Variants in TTN observed in about 807,000 individuals in gnomAD.
TTN encodes titin.
TTN carries 1,525 observed loss-of-function variants against 3,223.0 expected under a neutral mutation model. That is an observed-to-expected ratio of 0.47 (90% CI 0.45 to 0.49). The LOEUF (loss-of-function observed/expected upper bound fraction) is 0.49. TTN is among the 20% of genes least tolerant of loss of function. The pLI is 0.00. For missense variants in TTN, 40,786 were observed against 43,424.0 expected (o/e 0.94, Z 5.40); for synonymous variants, 14,094 against 15,161.0 (o/e 0.93, Z 5.17).
chr2:178,791,990 G>T (rs2093529761), intron 10 of TTN, 82 bp downstream of exon 10: 1 of 1,464,652 alleles, frequency 6.8e-7, no homozygotes. Context: ...TCCATTTAAG[G>T]GTTTTGACTA....
In TTN at chr2:178,564,137, G is replaced by C. The variant is rs1485146094; in HGVS notation, c.81995C>G (p.Thr27332Arg). 1.9e-6 allele frequency: 3 copies of C among 1,613,606 alleles called. No homozygotes were observed. Among genetic ancestry groups the C allele is most frequent in the Non-Finnish European group, 2.5e-6 (3 of 1,179,738 alleles). Residue 27332 changes from threonine (T) to arginine (R), a missense_variant, in exon 326 of 363, where the codon ACA (threonine) becomes AGA (arginine). Physicochemically the swap from Thr to Arg is moderately conservative, Grantham distance 71. Coordinates refer to ENST00000589042, the MANE Select transcript of TTN (RefSeq NM_001267550.2). ...RMEIKSTIQK[T>R]TLVVKDCIRT... is the part of the protein sequence containing the mutation. ...TATACAGTCTTTGACAACAAGAGTTGTTTTCTGAATAGTAGATTTAATTTC... is the reference window on the plus strand; with the variant it reads ...TATACAGTCTTTGACAACAAGAGTTCTTTTCTGAATAGTAGATTTAATTTC...
Position 178,601,278 on chromosome 2 carries a change from G to A in TTN, c.55719C>T (p.Ala18573=). 5 of 1,553,272 alleles carry A rather than the reference G, an allele frequency of 3.2e-6. No homozygotes were observed. The highest frequency in any genetic ancestry group is 3.5e-6 in the Non-Finnish European group (4 of 1,153,576). Residue 18573 remains alanine (A), a synonymous_variant, in exon 287 of 363, where the codon GCC becomes GCT. Transcript: ENST00000589042. The part of the protein sequence containing the change: ...PPVETIQRTT[A]RDPIYPPDPP... ...TTTAAAGCTTACATATCGGATCTCTGGCAGTGGTCCTCTGAATGGTTTCCA... is the reference window on the plus strand; with the variant it reads ...TTTAAAGCTTACATATCGGATCTCTAGCAGTGGTCCTCTGAATGGTTTCCA...
At position 178,776,971 on chromosome 2, in the gene TTN, A is replaced by T. The variant is rs761409910; in HGVS notation, c.4893T>A (p.Thr1631=). 6.2e-7 allele frequency: 1 copy of T among 1,614,056 alleles called. No homozygotes were observed. The highest frequency in any genetic ancestry group is 1.1e-5 in the South Asian group (1 of 91,072). The change falls in exon 28 of 363, where the codon ACT becomes ACA. Residue 1631 remains threonine, a synonymous_variant. Coordinates refer to ENST00000589042, the MANE Select transcript of TTN (RefSeq NM_001267550.2). The part of the protein sequence containing the change: ...VSQDSAWYTA[T]AINKAGRDTT... The stretch of plus-strand genomic sequence containing the variant: ...TGTCTCTGCCAGCTTTATTAATAGC[A>T]GTCGCAGTATACCAGGCAGAATCTT...
chr2:178,622,561 G>T, intron 243 of TTN, 109 bp downstream of exon 243: 1 of 767,498 alleles, frequency 1.3e-6, no homozygotes, highest in Non-Finnish European at 2.1e-6. Context: ...TAAAAGTAAA[G>T]TGGTGACCAG....
chr2:178,573,128 G>A lies in TTN; in HGVS notation c.73004C>T (p.Thr24335Ile), dbSNP rs766442878. ...AGCGATTGAAATGGATGATCTGCTTGTATCCAGAACACGTGGGTTACCTGG... is the reference window on the plus strand; with the variant it reads ...AGCGATTGAAATGGATGATCTGCTTATATCCAGAACACGTGGGTTACCTGG... Reference protein sequence around the residue: ...GPPGNPRVLDTSRSSISIAWN... With the variant: ...GPPGNPRVLDISRSSISIAWN... The change falls in exon 326 of 363, where the codon ACA becomes ATA. Residue 24335 changes from threonine (T) to isoleucine (I), a missense_variant. By Grantham distance (89) the Thr-to-Ile change is moderately conservative. Transcript: ENST00000589042. 2 of 1,613,304 alleles carry A rather than the reference G, an allele frequency of 1.2e-6. No individual in the cohort carries two copies. Among genetic ancestry groups the A allele is most frequent in the Non-Finnish European group, 1.7e-6 (2 of 1,179,548 alleles).
Position 178,588,614 on chromosome 2 carries a change from A to G in TTN, c.63111T>C (p.Arg21037=), listed in dbSNP as rs761367256. 6.3e-7 allele frequency: 1 copy of G among 1,584,836 alleles called. No individual in the cohort carries two copies. The highest frequency in any genetic ancestry group is 1.2e-5 in the South Asian group (1 of 85,154). ...NLLPDHEYQF[R]VKAENEIGIG... is the part of the protein sequence containing the mutation. Reference sequence around the variant, plus strand: ...TTCCAATTTCATTTTCTGCCTTGACACGGAACTGATATTCATGGTCTGGGA... The same window carrying G: ...TTCCAATTTCATTTTCTGCCTTGACGCGGAACTGATATTCATGGTCTGGGA... Residue 21037 remains arginine (R), a synonymous_variant, in exon 304 of 363, where the codon CGT becomes CGC. Coordinates refer to ENST00000589042, the MANE Select transcript of TTN (RefSeq NM_001267550.2).
chr2:178,535,746 T>C lies in TTN; in HGVS notation c.100869A>G (p.Pro33623=), dbSNP rs528099201. The C allele has an allele frequency of 6.3e-5, 101 of 1,613,676 alleles. No individual in the cohort carries two copies. Among genetic ancestry groups the C allele is most frequent in the Non-Finnish European group, 4.2e-6 (5 of 1,179,768 alleles). ...CTTTCTGCCAGGTGATCACAGGATC[T>C]GGTTTGCCACTGAAAGGAATCTTGA... is the stretch of plus-strand genomic sequence containing the variant. The part of the protein sequence containing the change: ...VSIKIPFSGK[P]DPVITWQKGQ... Residue 33623 remains proline (P), a synonymous_variant, in exon 358 of 363, where the codon CCA becomes CCG. Transcript: ENST00000589042.
At position 178,586,707 on chromosome 2, in the gene TTN, G is replaced by A. The variant is rs756809018; in HGVS notation, c.64194C>T (p.Ile21398=). Reference sequence around the variant, plus strand: ...CTCTGTAACTAGTGATGTAGCCATCGATTTTAGCACCTCCATCACGTAGGG... The same window carrying A: ...CTCTGTAACTAGTGATGTAGCCATCAATTTTAGCACCTCCATCACGTAGGG... ...LPPLRDGGAK[I]DGYITSYREE... is the part of the protein sequence containing the mutation. Residue 21398 remains isoleucine, a synonymous_variant, in exon 308 of 363, where the codon ATC becomes ATT. Coordinates refer to ENST00000589042, the MANE Select transcript of TTN (RefSeq NM_001267550.2). 36 of 1,612,962 alleles carry A rather than the reference G, an allele frequency of 2.2e-5. 1 individual carries two copies. The highest frequency in any genetic ancestry group is 2.1e-4 in the South Asian group (19 of 91,040).
At position 178,533,053 on chromosome 2, in the gene TTN, C is replaced by T; in HGVS notation, c.103562G>A (p.Gly34521Glu). Residue 34521 changes from glycine (G) to glutamate (E), a missense_variant, in exon 358 of 363, where the codon GGG becomes GAG. Physicochemically the swap from Gly to Glu is moderately conservative, Grantham distance 98. Coordinates refer to ENST00000589042, the MANE Select transcript of TTN (RefSeq NM_001267550.2). Reference sequence around the variant, plus strand: ...TTCTTCTATCTCAAGTCTGAATTCCCCTTTTACAGTCTTGGTGCTTACAGC... The same window carrying T: ...TTCTTCTATCTCAAGTCTGAATTCCTCTTTTACAGTCTTGGTGCTTACAGC... ...KPAVSTKTVK[G>E]EFRLEIEEKK... 1 of 1,613,870 alleles carries T rather than the reference C, an allele frequency of 6.2e-7. No homozygotes were observed. The highest frequency in any genetic ancestry group is 8.5e-7 in the Non-Finnish European group (1 of 1,179,864).
At chr2:178,635,031 T>C in intron 228 of TTN, 134 bp downstream of exon 228, 1 of 1,418,680 alleles carries the variant, frequency 7.0e-7, no homozygotes, top group Non-Finnish European at 9.5e-7. Context: ...GTAAAATTTC[T>C]TTCCTTCTTG....
At position 178,610,344 on chromosome 2, in the gene TTN, T is replaced by C. The variant is rs1275839518; in HGVS notation, c.51182A>G (p.Lys17061Arg). 2 of 1,612,822 alleles carry C rather than the reference T, an allele frequency of 1.2e-6. No homozygotes were observed. The highest frequency in any genetic ancestry group is 1.7e-6 in the Non-Finnish European group (2 of 1,179,180). The change falls in exon 271 of 363, where the codon AAG becomes AGG. Residue 17061 changes from lysine (K) to arginine (R), a missense_variant. Lys to Arg is a conservative substitution (Grantham distance 26). Coordinates refer to ENST00000589042, the MANE Select transcript of TTN (RefSeq NM_001267550.2). ...CKDIKASDIT[K>R]SSCKLTWEPP... Reference sequence around the variant, plus strand: ...TTCCCAAGTTAACTTACAAGAACTCTTGGTAATGTCACTTGCTTTAATATC... The same window carrying C: ...TTCCCAAGTTAACTTACAAGAACTCCTGGTAATGTCACTTGCTTTAATATC...
intron 47 of TTN, among the ~76,000 whole-genome samples, chr2:178,743,551 A>G (rs2082876664): frequency 6.6e-6 from 1 of 151,954 alleles, no homozygotes; most frequent in Non-Finnish European, 1.5e-5. Context: ...TCTTTACTAT[A>G]TGAATAAGAG....
chr2:178,599,018 G>C lies in TTN; in HGVS notation c.56692C>G (p.Arg18898Gly). 6.3e-7 allele frequency: 1 copy of C among 1,597,698 alleles called. No homozygotes were observed. The highest frequency in any genetic ancestry group is 1.7e-4 in the Middle Eastern group (1 of 5,984). Residue 18898 changes from arginine (R) to glycine (G), a missense_variant, in exon 291 of 363, where the codon CGT becomes GGT. By Grantham distance (125) the Arg-to-Gly change is moderately radical. Coordinates refer to ENST00000589042, the MANE Select transcript of TTN (RefSeq NM_001267550.2). ...PDKPTVSSVT[R>G]NSMTVNWEEP... is the part of the protein sequence containing the mutation. ...TCCCAGTTGACAGTCATGGAGTTAC[G>C]AGTCACGCTGCTAACTGTTGGTTTA...
At position 178,767,855 on chromosome 2, in the gene TTN, C is replaced by T. The variant is rs1285257959; in HGVS notation, c.9375G>A (p.Gly3125=). The change falls in exon 40 of 363, where the codon GGG becomes GGA. Residue 3125 remains glycine, a synonymous_variant. Coordinates refer to ENST00000589042, the MANE Select transcript of TTN (RefSeq NM_001267550.2). The part of the protein sequence containing the change: ...LIPSTRMSDA[G]KYTVVAGGNV... The stretch of plus-strand genomic sequence containing the variant: ...TGCCTCCTGCCACCACTGTGTACTT[C>T]CCAGCATCAGACATCCGGGTGGATG... The T allele has an allele frequency of 6.2e-7, 1 of 1,614,132 alleles. No homozygotes were observed. Among genetic ancestry groups the T allele is most frequent in the South Asian group, 1.1e-5 (1 of 91,078 alleles).
intron 159 of TTN, 80 bp downstream of exon 159, chr2:178,669,293 T>G: frequency 8.4e-7 from 1 of 1,194,368 alleles, no homozygotes; most frequent in South Asian, 1.5e-5. Context: ...ATATTTACTT[T>G]TCAAAGCTAA....
chr2:178,532,202 G>A lies in TTN; in HGVS notation c.104413C>T (p.Arg34805Ter), dbSNP rs750519430. 6 of 1,613,260 alleles carry A rather than the reference G, an allele frequency of 3.7e-6. No homozygotes were observed. Among genetic ancestry groups the A allele is most frequent in the Non-Finnish European group, 5.1e-6 (6 of 1,179,812 alleles). The part of the protein sequence containing the change: ...KEEKSRKKSR[R>*]QREVTEITEI... The stretch of plus-strand genomic sequence containing the variant: ...GTTATTTCTGTCACTTCTCTTTGTC[G>A]CCTTGATTTCTTTCTAGACTTTTCC... Residue 34805 changes from arginine (R) to a stop codon, truncating the protein, a stop_gained, in exon 358 of 363, where the codon CGA (arginine) becomes TGA (stop). Transcript: ENST00000589042. LOFTEE classifies it high-confidence loss of function.
Position 178,534,112 on chromosome 2 carries a change from A to G in TTN, c.102503T>C (p.Val34168Ala), listed in dbSNP as rs1022062534. 1.9e-6 allele frequency: 3 copies of G among 1,613,804 alleles called. No homozygotes were observed. The African/African-American group carries it at 4.0e-5, about 22-fold the overall frequency. Residue 34168 changes from valine (V) to alanine (A), a missense_variant, in exon 358 of 363, where the codon GTG becomes GCG. Transcript: ENST00000589042. ...KIENYDQSTQ[V>A]TWYFGVRQLE... ...CTGTCGGACGCCAAAGTACCAAGTC[A>G]CTTGGGTAGACTGATCATAATTTTC...
At position 178,710,930 on chromosome 2, in the gene TTN, T is replaced by A; in HGVS notation, c.28175-8A>T. On this transcript the variant is annotated splice_region_variant and splice_polypyrimidine_tract_variant and intron_variant, in intron 97 of 362. Transcript: ENST00000589042. ...AGGGTGGGTTCTTCCCCTCTAATAG[T>A]AGAGCAGAAAGACAAGGTTTCAGGC... is the stretch of plus-strand genomic sequence containing the variant. 6.2e-7 allele frequency: 1 copy of A among 1,606,438 alleles called. No homozygotes were observed. Among genetic ancestry groups the A allele is most frequent in the Non-Finnish European group, 8.5e-7 (1 of 1,174,846 alleles).
Position 178,580,185 on chromosome 2 carries a change from T to C in TTN, c.67102A>G (p.Lys22368Glu), listed in dbSNP as rs879076636. 1.2e-6 allele frequency: 2 copies of C among 1,613,154 alleles called. No individual in the cohort carries two copies. The highest frequency in any genetic ancestry group is 2.2e-5 in the East Asian group (1 of 44,722). ...PVNVTVKEISKDSAYVTWEPP... is the reference protein window; with the variant it reads ...PVNVTVKEISEDSAYVTWEPP... ...TCCCAGGTAACATAAGCAGAGTCTT[T>C]GGATATTTCCTTAACAGTCACATTG... Residue 22368 changes from lysine to glutamate, a missense_variant, in exon 318 of 363, where the codon AAA becomes GAA. Coordinates refer to ENST00000589042, the MANE Select transcript of TTN (RefSeq NM_001267550.2).
Sources: gnomAD v4.1 joint callset for allele counts (sites outside exome capture counted in the v4.1 genomes callset) on GRCh38, gnomAD v4.1.1 for gene constraint, MANE v1.5 for transcripts, NCBI Gene and HGNC (gene_info 2026-07-23, HGNC 2026-07-21) for gene names.